Variants in KANSL1 observed in about 807,000 individuals in gnomAD.
The protein encoded by KANSL1 is MLL1/MLL complex subunit KANSL1.
In KANSL1, 22 loss-of-function variants were observed where a neutral mutation model predicts 103.6. That is an observed-to-expected ratio of 0.21 (90% CI 0.15 to 0.30). KANSL1 has a LOEUF of 0.30. Among genes scored for constraint, KANSL1 ranks in the 10% least tolerant of loss-of-function variants. The pLI is 1.00. For missense variants in KANSL1, 1,337 were observed against 1,399.8 expected (o/e 0.96, Z 0.72); for synonymous variants, 600 against 527.6 (o/e 1.14, Z -1.88).
chr17:46,154,436 C>A (rs1419710666), intron 2 of KANSL1, among the ~76,000 whole-genome samples: 1 of 152,208 alleles, frequency 6.6e-6, no homozygotes, highest in African/African-American at 2.4e-5. Context: ...TGAACCACAA[C>A]ATCTAGCTCA....
At chr17:46,071,971 T>C (rs1034881875) in intron 4 of KANSL1, among the ~76,000 whole-genome samples, 36 of 150,620 alleles carry the variant, frequency 2.4e-4, no homozygotes, top group Middle Eastern at 3.4e-3. Context: ...GGTTGCTGAA[T>C]TGCTCCCCCC....
chr17:46,096,302 C>CTTTTTTTTTTTT (rs1273083741), intron 2 of KANSL1, among the ~76,000 whole-genome samples: 4 of 82,592 alleles, frequency 4.8e-5, no homozygotes, highest in East Asian at 5.9e-4. Flanking sequence ...ACATACCTGG[C>CTTTTTTTTTTTT]TTTTTTTTCT....
chr17:46,141,571 C>T (rs974455307), intron 2 of KANSL1, among the ~76,000 whole-genome samples: 4 of 151,840 alleles, frequency 2.6e-5, no homozygotes, highest in African/African-American at 7.3e-5. Context: ...AATCTGGGTG[C>T]GAAATAAGAA....
At chr17:46,207,635 A>G (rs549985906) in intron 1 of KANSL1, among the ~76,000 whole-genome samples, 1 of 152,382 alleles carries the variant, frequency 6.6e-6, no homozygotes, top group South Asian at 2.1e-4. Flanking sequence ...GAGAATTTAA[A>G]TAGACATTTC....
intron 2 of KANSL1, among the ~76,000 whole-genome samples, chr17:46,161,971 T>A (rs566908037): frequency 6.6e-6 from 1 of 152,254 alleles, no homozygotes; most frequent in African/African-American, 2.4e-5. Flanking sequence ...AGCAATTTTG[T>A]CTACCATGGT....
chr17:46,034,071 C>A, intron 11 of KANSL1, 90 bp downstream of exon 11: 1 of 1,490,630 alleles, frequency 6.7e-7, no homozygotes. Flanking sequence ...GAACCAAAGA[C>A]TAGGGCCCAA....
chr17:46,060,642 G>A (rs185343163), intron 6 of KANSL1, among the ~76,000 whole-genome samples: 1 of 152,288 alleles, frequency 6.6e-6, no homozygotes. Context: ...AAGGAAGAAC[G>A]TATCAAATTA....
At chr17:46,122,891 T>C (rs2043346013) in intron 2 of KANSL1, among the ~76,000 whole-genome samples, 1 of 152,196 alleles carries the variant, frequency 6.6e-6, no homozygotes, top group African/African-American at 2.4e-5. Flanking sequence ...TGAATGGCCA[T>C]TCCCCTGTCT....
At chr17:46,199,113 T>G (rs62061960) in intron 1 of KANSL1, among the ~76,000 whole-genome samples, 17,280 of 150,338 alleles carry the variant, frequency 0.11, no homozygotes, top group Non-Finnish European at 0.17. Context: ...TCAAAAAATT[T>G]AGGATGTAGA....
At chr17:46,151,612 C>A (rs1466286971) in intron 2 of KANSL1, among the ~76,000 whole-genome samples, 2 of 152,250 alleles carry the variant, frequency 1.3e-5, no homozygotes, top group African/African-American at 4.8e-5. Context: ...ATCTTATTGG[C>A]TGCTGTACTC....
chr17:46,162,504 T>G (rs765086164), intron 2 of KANSL1, among the ~76,000 whole-genome samples: 1 of 152,230 alleles, frequency 6.6e-6, no homozygotes, highest in Non-Finnish European at 1.5e-5. Flanking sequence ...CATCTTGACA[T>G]ATCCATCCAA....
chr17:46,132,896 T>C (rs568961088), intron 2 of KANSL1, among the ~76,000 whole-genome samples: 1 of 152,098 alleles, frequency 6.6e-6, no homozygotes, highest in East Asian at 1.9e-4. Flanking sequence ...TGAGCCATCA[T>C]CATACCACTG....
intron 2 of KANSL1, among the ~76,000 whole-genome samples, chr17:46,130,014 C>T (rs2043771714): frequency 6.6e-6 from 1 of 151,894 alleles, no homozygotes; most frequent in African/African-American, 2.4e-5. Flanking sequence ...GGTGAAATCC[C>T]ATCTCTACTA....
intron 2 of KANSL1, among the ~76,000 whole-genome samples, chr17:46,095,301 A>G (rs2042014121): frequency 6.6e-6 from 1 of 152,228 alleles, no homozygotes; most frequent in Non-Finnish European, 1.5e-5. Flanking sequence ...AATTGCCTAC[A>G]GTATTTTTAA....
In KANSL1 at chr17:46,201,362, T is replaced by C. The variant is rs1244633673; in HGVS notation, c.-90+22309A>G. On this transcript the variant is annotated intron_variant, in intron 1 of 14. Transcript: ENST00000572904. ...GGAGTATCAATTTAATCAAGGATTA[T>C]AGTAAAATCAGATATACTTTTGTTA... Among the ~76,000 whole-genome samples, 6 of 152,322 alleles carry C rather than the reference T, an allele frequency of 3.9e-5. No homozygotes were observed. The South Asian group carries it at 1.2e-3, about 32-fold the overall frequency.
intron 1 of KANSL1, among the ~76,000 whole-genome samples, chr17:46,183,957 A>C (rs1163489331): frequency 1.3e-5 from 2 of 152,220 alleles, no homozygotes; most frequent in African/African-American, 4.8e-5. Context: ...CATTGCCTAT[A>C]CAACTACTTC....
At chr17:46,175,392 C>T (rs2046474404) in intron 1 of KANSL1, among the ~76,000 whole-genome samples, 1 of 151,488 alleles carries the variant, frequency 6.6e-6, no homozygotes, top group Non-Finnish European at 1.5e-5. Context: ...CTCTGTCGCC[C>T]AGGCTGGAGT....
chr17:46,086,924 G>A (rs957429928), intron 3 of KANSL1, among the ~76,000 whole-genome samples: 23 of 152,072 alleles, frequency 1.5e-4, no homozygotes, highest in Admixed American at 1.4e-3. Context: ...ATACCACCAC[G>A]CCTGGCTAGT....
At chr17:46,170,277 GAGTC>G (rs2046217165) in intron 2 of KANSL1, 1 of 150,840 alleles carries the variant, frequency 6.6e-6, no homozygotes, top group East Asian at 1.9e-4. Flanking sequence ...AATAGGAAGA[GAGTC>G]AGGTTGTGAA....
Sources: allele counts gnomAD v4.1 joint callset (sites outside exome capture counted in the v4.1 genomes callset), GRCh38; gene constraint gnomAD v4.1.1; transcripts MANE v1.5; gene names NCBI Gene and HGNC (gene_info 2026-07-23, HGNC 2026-07-21).